UGT1A10: variants seen among roughly 807,000 people sequenced by gnomAD.
The protein encoded by UGT1A10 is UDP-glucuronosyltransferase 1A10.
UGT1A10 carries 49 observed loss-of-function variants against 45.8 expected under a neutral mutation model. The ratio of observed to expected loss-of-function variants is 1.07; its 90% CI spans 0.85 to 1.36. The LOEUF is 1.36. Ranked by LOEUF, UGT1A10 falls within the 40% of genes most tolerant of loss-of-function variation. The probability of loss-of-function intolerance (pLI) is 0.00; values close to 1 mark genes in which losing one functional copy is unlikely to be tolerated. For synonymous variants in UGT1A10, 284 were observed against 249.7 expected (o/e 1.14, Z -1.29); for missense variants, 745 against 668.6 (o/e 1.11, Z -1.26).
intron 1 of UGT1A10, among the ~76,000 whole-genome samples, chr2:233,710,674 T>C (rs938811866): frequency 6.6e-6 from 1 of 152,206 alleles, no homozygotes; most frequent in Non-Finnish European, 1.5e-5. Context: ...CAGATAGTTG[T>C]GTTTCTGTTT....
Position 233,713,210 on chromosome 2 carries a change from C to A in UGT1A10, c.856-53824C>A, listed in dbSNP as rs17874940. On this transcript the variant is annotated intron_variant, in intron 1 of 4. Coordinates refer to ENST00000344644, the MANE Select transcript of UGT1A10 (RefSeq NM_019075.4). Reference sequence around the variant, plus strand: ...TGAATATGTACATCAAAGAAGAGAACTTTTTCACCCTGACAACGTATGCCA... The same window carrying A: ...TGAATATGTACATCAAAGAAGAGAAATTTTTCACCCTGACAACGTATGCCA... 29 of 1,614,238 alleles carry A rather than the reference C, an allele frequency of 1.8e-5. 1 individual carries two copies. Among genetic ancestry groups the A allele is most frequent in the Middle Eastern group, 3.3e-4 (2 of 6,062 alleles).
intron 1 of UGT1A10, chr2:233,681,866 C>G (rs2074542960): frequency 6.5e-7 from 1 of 1,534,710 alleles, no homozygotes; most frequent in Admixed American, 2.1e-5. Flanking sequence ...CAGGTTCTAT[C>G]TGTACTTCTT....
chr2:233,723,718 G>A (rs1250087108), intron 1 of UGT1A10, among the ~76,000 whole-genome samples: 1 of 83,498 alleles, frequency 1.2e-5, no homozygotes, highest in African/African-American at 6.1e-5. Context: ...TGAGATTAGG[G>A]ATTGGTGATG....
rs182473388 is a variant in UGT1A10, at chr2:233,678,066, C to G, written c.855+40689C>G. On this transcript the variant is annotated intron_variant, in intron 1 of 4. Transcript: ENST00000344644. ...ATTACCCTAAGGGAATATATACAGG[C>G]ACAGAACACCAAATACCATTGTTTT... 2.0e-5 allele frequency among the ~76,000 whole-genome samples: 3 copies of G among 152,218 alleles called. No individual in the cohort carries two copies. In the East Asian group the frequency reaches 5.8e-4, roughly 29 times the overall value.
chr2:233,713,233 C>G, intron 1 of UGT1A10: 1 of 1,614,226 alleles, frequency 6.2e-7, no homozygotes, highest in Non-Finnish European at 8.5e-7. Context: ...ACAACGTATG[C>G]CATTTCATGG....
intron 1 of UGT1A10, among the ~76,000 whole-genome samples, chr2:233,701,689 A>C (rs2075646805): frequency 6.6e-6 from 1 of 152,184 alleles, no homozygotes; most frequent in African/African-American, 2.4e-5. Context: ...AATTAAGAAA[A>C]TCACTCAAAA....
intron 1 of UGT1A10, among the ~76,000 whole-genome samples, chr2:233,650,919 C>A (rs2073722575): frequency 6.6e-6 from 1 of 152,132 alleles, no homozygotes; most frequent in South Asian, 2.1e-4. Flanking sequence ...ATGGACCATG[C>A]AATTTTGGCT....
chr2:233,715,336 GC>G (rs1476016122), intron 1 of UGT1A10, among the ~76,000 whole-genome samples: 1 of 152,010 alleles, frequency 6.6e-6, no homozygotes, highest in Admixed American at 6.6e-5. Flanking sequence ...TTAGATTGGT[GC>G]ATGTAGGTTT....
In UGT1A10 at chr2:233,681,530, CAAAAAAAA is replaced by C. The variant is rs747693860; in HGVS notation, c.855+44170_855+44177del. On this transcript the variant is annotated intron_variant, in intron 1 of 4. Transcript: ENST00000344644. ...TGGATGACACAGTGAGACTCCATCT[CAAAAAAAA>C]AAAAAAAAAAAAAAAATTGCAAATT... Among the ~76,000 whole-genome samples the C allele has an allele frequency of 4.9e-3, 378 of 77,720 alleles. 2 individuals are homozygous for C. The highest frequency in any genetic ancestry group is 0.017 in the African/African-American group (355 of 20,718). The allele number at this position is 77,720 out of a possible 152,430, so 51.0% of individuals were successfully genotyped here.
At chr2:233,686,929 G>A (rs990280211) in intron 1 of UGT1A10, among the ~76,000 whole-genome samples, 4 of 152,188 alleles carry the variant, frequency 2.6e-5, no homozygotes, top group African/African-American at 7.2e-5. Flanking sequence ...CCCACTGGCT[G>A]ACTCATGCAG....
At chr2:233,700,791 A>C (rs1037537460) in intron 1 of UGT1A10, among the ~76,000 whole-genome samples, 1 of 152,118 alleles carries the variant, frequency 6.6e-6, no homozygotes, top group Non-Finnish European at 1.5e-5. Context: ...TTACATATGT[A>C]TACATGTGCC....
At chr2:233,748,180 G>A in intron 1 of UGT1A10, 2 of 1,578,368 alleles carry the variant, frequency 1.3e-6, no homozygotes, top group South Asian at 2.4e-5. Flanking sequence ...TCTTTCTGGT[G>A]CTTTTATTTC....
chr2:233,726,380 C>G (rs534421761), intron 1 of UGT1A10, among the ~76,000 whole-genome samples: 22 of 152,296 alleles, frequency 1.4e-4, no homozygotes, highest in African/African-American at 4.1e-4. Flanking sequence ...ACCAAAATTG[C>G]TTCCATCTCA....
At chr2:233,707,478 T>C (rs2075963817) in intron 1 of UGT1A10, among the ~76,000 whole-genome samples, 1 of 152,122 alleles carries the variant, frequency 6.6e-6, no homozygotes, top group African/African-American at 2.4e-5. Context: ...ATAATACAGA[T>C]GATTTTACCT....
chr2:233,770,514 C>T (rs191930447), intron 4 of UGT1A10: 1 of 152,136 alleles, frequency 6.6e-6, no homozygotes, highest in Non-Finnish European at 1.5e-5. Flanking sequence ...AAAAATTACC[C>T]AGGCATGGTG....
Position 233,672,130 on chromosome 2 carries a change from C to T in UGT1A10, c.855+34753C>T, listed in dbSNP as rs111722751. 1.2e-3 allele frequency: 1,888 copies of T among 1,614,174 alleles called. 26 individuals are homozygous for T. In the African/African-American group the frequency reaches 0.022, roughly 19 times the overall value. ...AGTCATGCCAGAGGTGAGTTGGCAA[C>T]TGGGAAGATCACTGAATTGCACAGT... On this transcript the variant is annotated intron_variant, in intron 1 of 4. Coordinates refer to ENST00000344644, the MANE Select transcript of UGT1A10 (RefSeq NM_019075.4).
intron 1 of UGT1A10, among the ~76,000 whole-genome samples, chr2:233,651,512 TTA>T (rs2073741077): frequency 6.6e-6 from 1 of 152,224 alleles, no homozygotes; most frequent in Non-Finnish European, 1.5e-5. Flanking sequence ...TTGCATATCT[TTA>T]TGAATTATAA....
chr2:233,767,839 C>T lies in UGT1A10; in HGVS notation c.988-10C>T. 6.2e-7 allele frequency: 1 copy of T among 1,614,144 alleles called. No homozygotes were observed. Among genetic ancestry groups the T allele is most frequent in the South Asian group, 1.1e-5 (1 of 91,080 alleles). ...CTTTCTTTACGTTCTGCTCTTTTTG[C>T]CCCTCCCAGGTCCTGTGGCGGTACA... On this transcript the variant is annotated splice_polypyrimidine_tract_variant and intron_variant, in intron 2 of 4. Transcript: ENST00000344644.
chr2:233,702,667 T>C (rs1575474362), intron 1 of UGT1A10, among the ~76,000 whole-genome samples: 2 of 152,194 alleles, frequency 1.3e-5, no homozygotes, highest in South Asian at 4.1e-4. Context: ...AGTATTCTTA[T>C]CATACCTGAG....
Sources: allele counts gnomAD v4.1 joint callset (sites outside exome capture counted in the v4.1 genomes callset), GRCh38; gene constraint gnomAD v4.1.1; transcripts MANE v1.5; gene names NCBI Gene and HGNC (gene_info 2026-07-23, HGNC 2026-07-21).